The following RUVBL1 variants were observed in gnomAD, a reference collection of about 807,000 sequenced individuals.
The protein encoded by RUVBL1 is ruvB-like 1.
A neutral mutation model predicts 52.4 loss-of-function variants in RUVBL1; 4 were observed. That is an observed-to-expected ratio of 0.08 (90% confidence interval 0.04 to 0.17). The LOEUF is 0.17. Among genes scored for constraint, RUVBL1 ranks in the 10% least tolerant of loss-of-function variants. The pLI is 1.00. For synonymous variants in RUVBL1, 217 were observed against 214.4 expected, an observed-to-expected ratio of 1.01 and a Z score of -0.10; for missense variants, 298 against 572.8, an observed-to-expected ratio of 0.52 and a Z score of 4.90.
chr3:128,081,645 A>C lies in RUVBL1; in HGVS notation c.1212-236T>G. ...AGAAGACATAAGTGCTATTCCCCAA[A>C]TCTTTAGTACAGTCTACAAATCCTC... On this transcript the variant is annotated intron_variant, in intron 10 of 10. Coordinates refer to ENST00000322623, the MANE Select transcript of RUVBL1 (RefSeq NM_003707.3). This position sits in a 1 kb window ranked among gnomAD's most constrained non-coding sequence, Gnocchi z 4.8. The C allele has an allele frequency of 2.0e-6, 1 of 509,262 alleles. No homozygotes were observed. The highest frequency in any genetic ancestry group is 3.5e-6 in the Non-Finnish European group (1 of 285,226). 31.5% of individuals were successfully genotyped at this position (509,262 alleles called of 1,614,324 possible). A position where few individuals can be genotyped will look rare whatever the true frequency, so the allele number is the denominator to read the frequency against.
At chr3:128,139,627 T>C (rs1049847784) in intron 1 of RUVBL1, among the ~76,000 whole-genome samples, 7 of 152,182 alleles carry the variant, frequency 4.6e-5, no homozygotes, top group African/African-American at 1.7e-4. Flanking sequence ...TGCAGCACTA[T>C]TCACAATAGC....
In RUVBL1 at chr3:128,082,677, T is replaced by A; in HGVS notation, c.1120-103A>T. 1.1e-6 allele frequency: 1 copy of A among 939,746 alleles called. No individual in the cohort carries two copies. Among genetic ancestry groups the A allele is most frequent in the Non-Finnish European group, 1.6e-6 (1 of 631,132 alleles). The allele number at this position is 939,746 out of a possible 1,614,324, so 58.2% of individuals were successfully genotyped here. On this transcript the variant is annotated intron_variant, in intron 9 of 10. Coordinates refer to ENST00000322623, the MANE Select transcript of RUVBL1 (RefSeq NM_003707.3). This position sits in a 1 kb window ranked among gnomAD's most constrained non-coding sequence, Gnocchi z 4.7. ...TGCTCAGATTTCTCACTGTGCAGCA[T>A]AAGAGAAACTGAGACCTGGGTTGGT...
intron 3 of RUVBL1, among the ~76,000 whole-genome samples, chr3:128,105,527 C>G (rs1943211935): frequency 6.6e-6 from 1 of 152,084 alleles, no homozygotes; most frequent in African/African-American, 2.4e-5. Context: ...TGAAATTTAC[C>G]TTTAGCCTTT....
Position 128,065,759 on chromosome 3 carries a change from C to T in RUVBL1, c.940-539G>A, listed in dbSNP as rs533297936. 4.5e-3 allele frequency among the ~76,000 whole-genome samples: 182 copies of T among 40,488 alleles called. 2 individuals carry two copies. The highest frequency in any genetic ancestry group is 0.037 in the East Asian group (48 of 1,288). The allele number at this position is 40,488 out of a possible 152,430, so 26.6% of individuals were successfully genotyped here. On this transcript the variant is annotated intron_variant, in intron 9 of 9. Coordinates refer to the RUVBL1 transcript ENST00000464873. The stretch of plus-strand genomic sequence containing the variant: ...TTTTTTTTTTTTTTTTTTTTTGAGA[C>T]GGAGTCTTGCTCTGTTGCCCAGGCT...
downstream of RUVBL1, chr3:128,078,911 T>C (rs963371474): frequency 6.6e-6 from 1 of 152,166 alleles, no homozygotes; most frequent in Non-Finnish European, 1.5e-5. Context: ...TCTCCCTCAC[T>C]TTGGAGCACA....
At chr3:128,073,048 T>C (rs866041879) in intron 9 of RUVBL1, among the ~76,000 whole-genome samples, 1 of 152,152 alleles carries the variant, frequency 6.6e-6, no homozygotes, top group Non-Finnish European at 1.5e-5. Flanking sequence ...GTGAAGAAAC[T>C]GAGGCCCAGG....
chr3:128,072,720 G>A (rs551046777), intron 9 of RUVBL1, among the ~76,000 whole-genome samples: 1 of 152,198 alleles, frequency 6.6e-6, no homozygotes, highest in Non-Finnish European at 1.5e-5. Flanking sequence ...AAATATGTTA[G>A]AAAACCTGCT....
chr3:128,093,931 A>G (rs1942911405), intron 8 of RUVBL1, among the ~76,000 whole-genome samples: 1 of 152,086 alleles, frequency 6.6e-6, no homozygotes, highest in Admixed American at 6.5e-5. Context: ...GCTGCTTGTC[A>G]AGGTCAGGAG....
chr3:128,092,894 A>G (rs1026639287), intron 8 of RUVBL1, among the ~76,000 whole-genome samples: 2 of 152,276 alleles, frequency 1.3e-5, no homozygotes, highest in African/African-American at 4.8e-5. Context: ...TGTTGTACAT[A>G]GGCCAGGTGT....
At chr3:128,134,200 T>A (rs1943918033) in intron 1 of RUVBL1, among the ~76,000 whole-genome samples, 1 of 152,118 alleles carries the variant, frequency 6.6e-6, no homozygotes, top group South Asian at 2.1e-4. Flanking sequence ...TAGTGGCTTA[T>A]GTCTGTAATC....
At chr3:128,153,478 C>G (rs1198493356) in exon 1 of RUVBL1, 2 of 1,466,262 alleles carry the variant, frequency 1.4e-6, no homozygotes, top group Non-Finnish European at 1.8e-6. Context: ...AGGGGCGGGC[C>G]GGGCGGGTGT....
upstream of RUVBL1, chr3:128,123,971 G>C (rs535056371): frequency 8.4e-7 from 1 of 1,197,340 alleles, no homozygotes; most frequent in East Asian, 3.5e-5. Flanking sequence ...CCCCGTAGCC[G>C]GCGCTTCCTG....
At position 128,065,053 on chromosome 3, in the gene RUVBL1, A is replaced by G. The variant is rs371847707; in HGVS notation, c.*159T>C. ...CTATTTCCAGGTGTGTCCAGATCCA[A>G]CCCCAGGGAGTTTCCATGGTCTGGA... On this transcript the variant is annotated 3_prime_UTR_variant, in exon 10 of 10. Coordinates refer to the RUVBL1 transcript ENST00000464873. 3.7e-6 allele frequency: 6 copies of G among 1,613,736 alleles called. No individual in the cohort carries two copies. The African/African-American group carries it at 8.0e-5, about 22-fold the overall frequency.
intron 1 of RUVBL1, among the ~76,000 whole-genome samples, chr3:128,147,097 G>A (rs1167555492): frequency 6.6e-6 from 1 of 152,188 alleles, no homozygotes; most frequent in Non-Finnish European, 1.5e-5. Context: ...ATTGAGACAA[G>A]GTTTTGCTCT....
chr3:128,093,413 G>A (rs781032488), intron 8 of RUVBL1, among the ~76,000 whole-genome samples: 3 of 151,658 alleles, frequency 2.0e-5, no homozygotes, highest in African/African-American at 7.3e-5. Flanking sequence ...TGACCGTGGT[G>A]ATGGTTGCAC....
At chr3:128,153,123 G>T in intron 1 of RUVBL1, 1 of 696,626 alleles carries the variant, frequency 1.4e-6, no homozygotes, top group Non-Finnish European at 1.8e-6. Context: ...GCACTGATTG[G>T]TGCGTTTTAC....
chr3:128,096,329 G>C (rs1942968411), intron 8 of RUVBL1, among the ~76,000 whole-genome samples: 2 of 152,368 alleles, frequency 1.3e-5, no homozygotes, highest in East Asian at 3.9e-4. Flanking sequence ...AGGACCACGA[G>C]CGTGGAGAGT....
intron 9 of RUVBL1, chr3:128,069,337 T>C (rs1942083294): frequency 5.1e-6 from 4 of 788,834 alleles, no homozygotes; most frequent in South Asian, 1.7e-5. Flanking sequence ...AGCGCTAGCA[T>C]GTTAGTAGAT....
intron 1 of RUVBL1, 85 bp downstream of exon 1, chr3:128,123,499 C>T: frequency 7.3e-7 from 1 of 1,379,218 alleles, no homozygotes; most frequent in Non-Finnish European, 9.6e-7. Flanking sequence ...GCGCGCGCAT[C>T]CCGCCCCGAG....
Sources: gnomAD v4.1 joint callset for allele counts (sites outside exome capture counted in the v4.1 genomes callset) on GRCh38, gnomAD v4.1.1 for gene constraint, Gnocchi (gnomAD v3.1) non-coding constraint, MANE v1.5 for transcripts, NCBI Gene and HGNC (gene_info 2026-07-23, HGNC 2026-07-21) for gene names.